The following USP2 variants were observed in gnomAD, a reference collection of about 807,000 sequenced individuals.
The protein encoded by USP2 is ubiquitin specific peptidase 2, also known as ubiquitin carboxyl-terminal hydrolase 2.
A neutral mutation model predicts 72.0 loss-of-function variants in USP2; 33 were observed. The observed-to-expected ratio is 0.46, with a 90% CI of 0.35 to 0.61. The LOEUF (loss-of-function observed/expected upper bound fraction) is 0.61, where lower values mean the gene tolerates loss of function less well. USP2 is among the 20% of genes least tolerant of loss of function. USP2 has a pLI of 0.01. For missense variants in USP2, 691 were observed against 797.8 expected (o/e 0.87, Z 1.61); for synonymous variants, 296 against 312.5 (o/e 0.95, Z 0.56).
intron 1 of USP2, chr11:119,378,958 C>T: frequency 1.0e-6 from 1 of 984,376 alleles, no homozygotes; most frequent in Non-Finnish European, 1.2e-6. Flanking sequence ...TGTCTTTCCT[C>T]TAGGTAGAGT....
At chr11:119,364,169 G>T in intron 2 of USP2, 1 of 1,198,396 alleles carries the variant, frequency 8.3e-7, no homozygotes, top group East Asian at 3.5e-5. Context: ...GGCGTGCGCC[G>T]CCAACAGCCC....
chr11:119,364,542 C>G (rs1426753965), intron 2 of USP2, among the ~76,000 whole-genome samples: 2 of 152,218 alleles, frequency 1.3e-5, no homozygotes, highest in Admixed American at 6.5e-5. Context: ...TGAGCTTCCC[C>G]CAAGGCACCA....
intron 1 of USP2, among the ~76,000 whole-genome samples, chr11:119,374,708 C>G (rs1187570886): frequency 6.6e-6 from 1 of 152,076 alleles, no homozygotes; most frequent in Non-Finnish European, 1.5e-5. Context: ...GGCAGAGGAG[C>G]AAGTAGGGTC....
rs766806892 is a variant in USP2, at chr11:119,359,580, C to A, written c.906G>T (p.Arg302=). ...RDYCLQRLYM[R]DLHHGSNAHT... ...GTGCATTGCTGCCGTGGTGCAGGTC[C>A]CGCATGTAGAGCCTCTGGAGGCAGT... Residue 302 remains arginine, a synonymous_variant, in exon 4 of 13, where the codon CGG becomes CGT. Coordinates refer to ENST00000260187, the MANE Select transcript of USP2 (RefSeq NM_004205.5). 3 of 1,613,980 alleles carry A rather than the reference C, an allele frequency of 1.9e-6. No homozygotes were observed. The highest frequency in any genetic ancestry group is 1.7e-5 in the Admixed American group (1 of 60,002).
chr11:119,381,062 C>A (rs1186038090), intron 1 of USP2, among the ~76,000 whole-genome samples: 1 of 152,132 alleles, frequency 6.6e-6, no homozygotes, highest in Admixed American at 6.5e-5. Flanking sequence ...TCTCCCCTTC[C>A]GCTTAATTGT....
chr11:119,356,939 G>A lies in USP2; in HGVS notation c.1731-17C>T, dbSNP rs1311626684. The A allele has an allele frequency of 5.2e-6, 8 of 1,552,094 alleles. No homozygotes were observed. The highest frequency in any genetic ancestry group is 7.0e-6 in the Non-Finnish European group (8 of 1,148,398). On this transcript the variant is annotated splice_polypyrimidine_tract_variant and intron_variant, in intron 12 of 12. Coordinates refer to ENST00000260187, the MANE Select transcript of USP2 (RefSeq NM_004205.5). ...GGAGTGACGCTGCGGAGAGAGCGGGGAGTCAGCCCGGAGCGGGCAGGACCG... is the reference window on the plus strand; with the variant it reads ...GGAGTGACGCTGCGGAGAGAGCGGGAAGTCAGCCCGGAGCGGGCAGGACCG...
rs1307008079 is a variant in USP2, at chr11:119,356,869, A to T, written c.1784T>A (p.Phe595Tyr). 6.4e-7 allele frequency: 1 copy of T among 1,566,044 alleles called. No individual in the cohort carries two copies. Among genetic ancestry groups the T allele is most frequent in the East Asian group, 2.3e-5 (1 of 42,950 alleles). Residue 595 changes from phenylalanine to tyrosine, a missense_variant, in exon 13 of 13, where the codon TTC becomes TAC. By Grantham distance (22) the Phe-to-Tyr change is conservative (BLOSUM62 3). Transcript: ENST00000260187. The part of the protein sequence containing the change: ...QVRTSDAYLL[F>Y]YELASPPSRM ...GGAGGGCGGGCTGGCCAGTTCGTAGAAGAGCAGGTAGGCGTCGCTGGTGCG... is the reference window on the plus strand; with the variant it reads ...GGAGGGCGGGCTGGCCAGTTCGTAGTAGAGCAGGTAGGCGTCGCTGGTGCG...
intron 2 of USP2, among the ~76,000 whole-genome samples, chr11:119,366,551 G>A (rs1305972224): frequency 6.6e-6 from 1 of 151,984 alleles, no homozygotes; most frequent in Non-Finnish European, 1.5e-5. Flanking sequence ...CTTGTGTGTG[G>A]CTTGTCTTGG....
rs1028139653 is a variant in USP2, at chr11:119,356,346, G to A, written c.*489C>T. 6 of 155,656 alleles carry A rather than the reference G, an allele frequency of 3.9e-5. No individual in the cohort carries two copies. The highest frequency in any genetic ancestry group is 1.4e-4 in the African/African-American group (6 of 41,538). The allele number at this position is 155,656 out of a possible 1,614,324, so 9.6% of individuals were successfully genotyped here. A position where few individuals can be genotyped will look rare whatever the true frequency, so the allele number is the denominator to read the frequency against. On this transcript the variant is annotated 3_prime_UTR_variant, in exon 13 of 13. Coordinates refer to ENST00000260187, the MANE Select transcript of USP2 (RefSeq NM_004205.5). ...GATGTCCCTTCGTCTGTCCCCTGGA[G>A]TTAGCAGCGTGAAGAGGGCTCTTGG...
rs915470627 is a variant in USP2 at position 119,372,730 on chromosome 11, T to A, written c.751A>T (p.Ser251Cys). 3.9e-6 allele frequency: 6 copies of A among 1,524,812 alleles called. No individual in the cohort carries two copies. The African/African-American group carries it at 4.2e-5, about 11-fold the overall frequency. The allele number at this position is 1,524,812 out of a possible 1,614,324, so 94.5% of individuals were successfully genotyped here. A position where few individuals can be genotyped will look rare whatever the true frequency, so the allele number is the denominator to read the frequency against. Reference sequence around the variant, plus strand: ...ACCATGCCGTCTCTTCCCGGGGAGCTGGAGCGGCTGGGCCCAGGGGCCTGA... The same window carrying A: ...ACCATGCCGTCTCTTCCCGGGGAGCAGGAGCGGCTGGGCCCAGGGGCCTGA... ...KGQAPGPSRS[S>C]SPGRDGMNSK... is the part of the protein sequence containing the mutation. The change falls in exon 2 of 13, where the codon AGC (serine) becomes TGC (cysteine). Residue 251 changes from serine to cysteine, a missense_variant. Ser to Cys is a moderately radical substitution (Grantham distance 112). Transcript: ENST00000260187.
chr11:119,381,627 G>T lies in USP2; in HGVS notation c.-196C>A, dbSNP rs1591340645. 1.3e-5 allele frequency: 18 copies of T among 1,384,206 alleles called. No homozygotes were observed. In the East Asian group the frequency reaches 4.3e-4, roughly 33 times the overall value. 85.7% of individuals were successfully genotyped at this position (1,384,206 alleles called of 1,614,324 possible). The stretch of plus-strand genomic sequence containing the variant: ...CCTGACTCTCTCCCACCTCCGCCGG[G>T]GGCCCAGAAGGGACCTCCCCGGGAA... On this transcript the variant is annotated 5_prime_UTR_variant, in exon 1 of 13. Transcript: ENST00000260187.
At chr11:119,369,846 C>T (rs1043371362) in intron 2 of USP2, among the ~76,000 whole-genome samples, 2 of 152,162 alleles carry the variant, frequency 1.3e-5, no homozygotes, top group Non-Finnish European at 2.9e-5. Context: ...CTGTGACACT[C>T]AAGAACACCC....
At chr11:119,374,520 G>T (rs1366680902) in intron 1 of USP2, among the ~76,000 whole-genome samples, 1 of 152,148 alleles carries the variant, frequency 6.6e-6, no homozygotes, top group African/African-American at 2.4e-5. Context: ...ATGCTTATTT[G>T]CCCCCGGCCA....
intron 2 of USP2, among the ~76,000 whole-genome samples, chr11:119,368,478 C>A (rs908088781): frequency 2.0e-5 from 3 of 152,214 alleles, no homozygotes; most frequent in African/African-American, 7.2e-5. Context: ...CCGCTCACTG[C>A]AGGGCAGCAT....
At chr11:119,360,722 G>T (rs1268827530) in intron 2 of USP2, among the ~76,000 whole-genome samples, 1 of 152,156 alleles carries the variant, frequency 6.6e-6, no homozygotes, top group Admixed American at 6.5e-5. Context: ...ACCGCGTCCT[G>T]CCTAAATGCC....
At chr11:119,370,334 C>T (rs1411877617) in intron 2 of USP2, among the ~76,000 whole-genome samples, 1 of 152,252 alleles carries the variant, frequency 6.6e-6, no homozygotes, top group Non-Finnish European at 1.5e-5. Context: ...GGCACTTTCA[C>T]ATACATTATC....
intron 1 of USP2, among the ~76,000 whole-genome samples, 180 bp downstream of exon 1, chr11:119,381,293 C>A (rs1951055791): frequency 6.6e-6 from 1 of 152,216 alleles, no homozygotes; most frequent in Non-Finnish European, 1.5e-5. Context: ...CCTGGGCTGT[C>A]AGCAGGCAGC....
chr11:119,369,299 C>T (rs1346659248), intron 2 of USP2, among the ~76,000 whole-genome samples: 2 of 151,890 alleles, frequency 1.3e-5, no homozygotes, highest in East Asian at 1.9e-4. Flanking sequence ...CCCGCCCCTG[C>T]CCCCCGCCAG....
In USP2 at chr11:119,372,811, T is replaced by C. The variant is rs142525206; in HGVS notation, c.670A>G (p.Ile224Val). The change falls in exon 2 of 13, where the codon ATC becomes GTC. Residue 224 changes from isoleucine to valine, a missense_variant. Physicochemically the swap from Ile to Val is conservative, Grantham distance 29 (BLOSUM62 3). Transcript: ENST00000260187. ...QAPPSRVPEI[I>V]SPTYRPIGRY... is the part of the protein sequence containing the mutation. ...CCAATGGGTCGGTAGGTTGGGCTGA[T>C]GATTTCAGGGACTCGTGAGGGAGGG... The C allele has an allele frequency of 3.7e-6, 6 of 1,606,130 alleles. No homozygotes were observed. The African/African-American group carries it at 8.0e-5, about 21-fold the overall frequency.
Sources: allele counts gnomAD v4.1 joint callset (sites outside exome capture counted in the v4.1 genomes callset), GRCh38; gene constraint gnomAD v4.1.1; transcripts MANE v1.5; gene names NCBI Gene and HGNC (gene_info 2026-07-23, HGNC 2026-07-21).